Variants in CENPP observed in about 807,000 individuals in gnomAD.
The protein encoded by CENPP is centromere protein P.
In CENPP, 24 loss-of-function variants were observed where a neutral mutation model predicts 35.6. The observed-to-expected ratio is 0.67, with a 90% CI of 0.49 to 0.95. The LOEUF is 0.95. Ranked by LOEUF, CENPP falls within the 40% of genes least tolerant of loss-of-function variation. The pLI, the probability that CENPP is intolerant of heterozygous loss-of-function variation, is 0.00. For synonymous variants in CENPP, 120 were observed against 125.5 expected (o/e 0.96, Z 0.29); for missense variants, 332 against 345.3 (o/e 0.96, Z 0.31).
chr9:92,573,141 G>A (rs553949656), intron 5 of CENPP, among the ~76,000 whole-genome samples: 6 of 152,304 alleles, frequency 3.9e-5, no homozygotes, highest in Non-Finnish European at 5.9e-5. Flanking sequence ...CCTTGCTGGC[G>A]AGGAGCTGCG....
In CENPP at chr9:92,372,346, C is replaced by A. The variant is rs977521557; in HGVS notation, c.468-7417C>A. On this transcript the variant is annotated intron_variant, in intron 4 of 7. Coordinates refer to ENST00000375587, the MANE Select transcript of CENPP (RefSeq NM_001012267.3). ...ATATCTTTTAAGAAGAGAATTTAATCTGTTTATGTTCCAGTTTATTATTGA... is the reference window on the plus strand; with the variant it reads ...ATATCTTTTAAGAAGAGAATTTAATATGTTTATGTTCCAGTTTATTATTGA... Among the ~76,000 whole-genome samples the A allele has an allele frequency of 1.1e-4, 16 of 151,836 alleles. 1 individual carries two copies. The highest frequency in any genetic ancestry group is 3.9e-4 in the African/African-American group (16 of 41,434).
chr9:92,470,820 T>C, intron 5 of CENPP: 1 of 1,179,700 alleles, frequency 8.5e-7, no homozygotes, highest in Non-Finnish European at 1.2e-6. Flanking sequence ...TAGAGAATCA[T>C]GCTGAAGATG....
intron 5 of CENPP, among the ~76,000 whole-genome samples, chr9:92,471,432 T>C (rs1343875079): frequency 1.3e-5 from 2 of 152,086 alleles, no homozygotes; most frequent in South Asian, 2.1e-4. Context: ...CCTGACCTCG[T>C]GATTCGCCTG....
chr9:92,600,597 G>A lies in CENPP; in HGVS notation c.565-10717G>A, dbSNP rs1850887034. ...CCCTTGCGAGGGTTCTGGGGCATCA[G>A]TCACTACCAGAAAGACAGCGCAAGT... On this transcript the variant is annotated intron_variant, in intron 5 of 7. Transcript: ENST00000375587. The A allele has an allele frequency of 3.1e-6, 5 of 1,592,702 alleles. No individual in the cohort carries two copies. In the African/African-American group the frequency reaches 4.0e-5, roughly 13 times the overall value.
chr9:92,440,933 CAT>C (rs1043703660), intron 5 of CENPP, among the ~76,000 whole-genome samples: 17 of 152,242 alleles, frequency 1.1e-4, no homozygotes, highest in South Asian at 8.3e-4. Flanking sequence ...AGTGAAATGA[CAT>C]ATAATGAAAC....
intron 4 of CENPP, among the ~76,000 whole-genome samples, chr9:92,358,084 T>C (rs1034013149): frequency 6.6e-6 from 1 of 152,108 alleles, no homozygotes; most frequent in Non-Finnish European, 1.5e-5. Flanking sequence ...TTTGAGTCTC[T>C]TGGATGTTTT....
chr9:92,439,049 A>AT, intron 5 of CENPP, among the ~76,000 whole-genome samples: 1 of 152,126 alleles, frequency 6.6e-6, no homozygotes, highest in Non-Finnish European at 1.5e-5. Context: ...TCTTATTAAG[A>AT]TTTTCCAGTA....
intron 5 of CENPP, among the ~76,000 whole-genome samples, chr9:92,530,870 A>G (rs536440057): frequency 1.3e-5 from 2 of 152,140 alleles, no homozygotes; most frequent in African/African-American, 2.4e-5. Flanking sequence ...TCCCATGTCT[A>G]TTGTTGCCAT....
In CENPP at chr9:92,596,228, G is replaced by A. The variant is rs116820820; in HGVS notation, c.565-15086G>A. On this transcript the variant is annotated intron_variant, in intron 5 of 7. Coordinates refer to ENST00000375587, the MANE Select transcript of CENPP (RefSeq NM_001012267.3). ...AGCTCACTGTAGCCCAGAATTCCTCGGTTCAAGTGATCCTCTTGCCTAAGT... is the reference window on the plus strand; with the variant it reads ...AGCTCACTGTAGCCCAGAATTCCTCAGTTCAAGTGATCCTCTTGCCTAAGT... 9.8e-3 allele frequency among the ~76,000 whole-genome samples: 1,493 copies of A among 152,090 alleles called. 29 individuals are homozygous for A. The highest frequency in any genetic ancestry group is 0.034 in the African/African-American group (1,414 of 41,502).
At chr9:92,540,264 C>T (rs1353281842) in intron 5 of CENPP, among the ~76,000 whole-genome samples, 2 of 151,998 alleles carry the variant, frequency 1.3e-5, no homozygotes, top group Non-Finnish European at 2.9e-5. Context: ...TGATGAAACC[C>T]TGTCTCTACT....
In CENPP at chr9:92,428,602, G is replaced by C. The variant is rs146594972; in HGVS notation, c.564+48743G>C. ...GACTGCCATCATCTCAAACCCAGGT[G>C]TTCTGGGTAGGGTCTTGACTATGTT... On this transcript the variant is annotated intron_variant, in intron 5 of 7. Coordinates refer to ENST00000375587, the MANE Select transcript of CENPP (RefSeq NM_001012267.3). Among the ~76,000 whole-genome samples, 1,249 of 147,608 alleles carry C rather than the reference G, an allele frequency of 8.5e-3. 11 individuals are homozygous for C. Among genetic ancestry groups the C allele is most frequent in the African/African-American group, 0.029 (1,184 of 41,246 alleles).
intron 5 of CENPP, among the ~76,000 whole-genome samples, chr9:92,511,609 T>G (rs1404399997): frequency 6.6e-6 from 1 of 152,060 alleles, no homozygotes; most frequent in African/African-American, 2.4e-5. Context: ...TTTTGTTGAT[T>G]GCACACACAA....
intron 4 of CENPP, among the ~76,000 whole-genome samples, chr9:92,352,467 C>CTG (rs61233585): frequency 0.098 from 6,996 of 71,252 alleles, 476 homozygotes; most frequent in East Asian, 0.13. Context: ...TGCTTAAAGC[C>CTG]TGTGTGTGTG....
intron 5 of CENPP, among the ~76,000 whole-genome samples, chr9:92,383,544 T>A (rs2130874023): frequency 6.6e-6 from 1 of 152,296 alleles, no homozygotes; most frequent in South Asian, 2.1e-4. Context: ...TGAAACATTA[T>A]GAATATAATG....
At chr9:92,488,124 C>T (rs1210508156) in intron 5 of CENPP, among the ~76,000 whole-genome samples, 1 of 152,122 alleles carries the variant, frequency 6.6e-6, no homozygotes. Context: ...TTTCAACTTA[C>T]GGTGGGTTTA....
At chr9:92,392,654 A>C (rs2130902046) in intron 5 of CENPP, among the ~76,000 whole-genome samples, 1 of 152,254 alleles carries the variant, frequency 6.6e-6, no homozygotes, top group South Asian at 2.1e-4. Context: ...ACACTTCCCA[A>C]GATATTTTTA....
intron 5 of CENPP, among the ~76,000 whole-genome samples, chr9:92,415,726 C>CA (rs1482119803): frequency 1.4e-5 from 2 of 147,216 alleles, no homozygotes; most frequent in South Asian, 2.1e-4. Flanking sequence ...AGAACAATCT[C>CA]AAAAAAAAAT....
At chr9:92,384,908 CT>C (rs927633849) in intron 5 of CENPP, 8 of 152,308 alleles carry the variant, frequency 5.3e-5, no homozygotes, top group South Asian at 2.1e-4. Context: ...GAGTTTAAAA[CT>C]TTTTTTGGTA....
At chr9:92,413,238 C>CG (rs1281425552) in intron 5 of CENPP, among the ~76,000 whole-genome samples, 6 of 151,996 alleles carry the variant, frequency 3.9e-5, no homozygotes, top group African/African-American at 1.4e-4. Flanking sequence ...CCACCTAACT[C>CG]GGCCTTCCAA....
Sources: allele counts gnomAD v4.1 joint callset (sites outside exome capture counted in the v4.1 genomes callset), GRCh38; gene constraint gnomAD v4.1.1; transcripts MANE v1.5; gene names NCBI Gene and HGNC (gene_info 2026-07-23, HGNC 2026-07-21).